The following MYRIP variants were observed in gnomAD, a reference collection of about 807,000 sequenced individuals.
MYRIP encodes rab effector MyRIP.
Under a neutral mutation model 98.0 loss-of-function variants are expected in MYRIP, and 49 were observed. The ratio of observed to expected loss-of-function variants is 0.50; its 90% CI spans 0.40 to 0.63. The LOEUF (loss-of-function observed/expected upper bound fraction) is 0.63. Ranked by LOEUF, MYRIP falls within the 30% of genes least tolerant of loss-of-function variation. The pLI is 0.00. For missense variants in MYRIP, 1,004 were observed against 1,058.2 expected, an observed-to-expected ratio of 0.95 and a Z score of 0.71; for synonymous variants, 404 against 409.5, an observed-to-expected ratio of 0.99 and a Z score of 0.16.
intron 2 of MYRIP, among the ~76,000 whole-genome samples, chr3:39,945,091 G>T (rs1368328070): frequency 6.6e-6 from 1 of 151,950 alleles, no homozygotes; most frequent in Non-Finnish European, 1.5e-5. Flanking sequence ...AGGAAAGACA[G>T]CCAAGGGAAA....
At chr3:39,813,712 G>A (rs1225308412) in intron 1 of MYRIP, among the ~76,000 whole-genome samples, 2 of 152,130 alleles carry the variant, frequency 1.3e-5, no homozygotes, top group Non-Finnish European at 1.5e-5. Flanking sequence ...TTTACATGTA[G>A]CCACTTAAGT....
intron 4 of MYRIP, among the ~76,000 whole-genome samples, chr3:40,160,937 A>C (rs967012677): frequency 6.6e-6 from 1 of 152,144 alleles, no homozygotes; most frequent in Non-Finnish European, 1.5e-5. Flanking sequence ...GGTACCTCAG[A>C]TGGAAATGTA....
intron 4 of MYRIP, among the ~76,000 whole-genome samples, chr3:40,159,122 A>G (rs1182132198): frequency 3.3e-5 from 5 of 151,922 alleles, no homozygotes; most frequent in Non-Finnish European, 7.4e-5. Flanking sequence ...TGATTTTGCA[A>G]TGGCTGGTAT....
At chr3:39,975,175 G>A (rs1043074831) in intron 2 of MYRIP, among the ~76,000 whole-genome samples, 2 of 152,294 alleles carry the variant, frequency 1.3e-5, no homozygotes, top group Non-Finnish European at 1.5e-5. Context: ...ATCTCCTTAA[G>A]CTGATAGGCA....
intron 2 of MYRIP, among the ~76,000 whole-genome samples, chr3:40,000,957 A>G (rs755213295): frequency 1.3e-5 from 2 of 152,220 alleles, no homozygotes; most frequent in Non-Finnish European, 2.9e-5. Context: ...CTGCATTTCA[A>G]TGATAACTCT....
At chr3:39,953,258 G>T (rs1332246551) in intron 2 of MYRIP, among the ~76,000 whole-genome samples, 1 of 152,154 alleles carries the variant, frequency 6.6e-6, no homozygotes, top group East Asian at 1.9e-4. Context: ...TTCCACTGAG[G>T]TTCAATAGTT....
rs140730482 is a variant in MYRIP, at chr3:40,256,728, A to G, written c.2548-1406A>G. Among the ~76,000 whole-genome samples, 51 of 152,334 alleles carry G rather than the reference A, an allele frequency of 3.3e-4. No individual in the cohort carries two copies. The East Asian group carries it at 9.6e-3, about 29-fold the overall frequency. ...TAAAAAGAAACTTAAAATTTATTAA[A>G]CCTTTCAAAAACATTCTGTGGCCAA... is the stretch of plus-strand genomic sequence containing the variant. On this transcript the variant is annotated intron_variant, in intron 16 of 16. Coordinates refer to ENST00000302541, the MANE Select transcript of MYRIP (RefSeq NM_015460.4).
chr3:40,060,137 T>C (rs762232931), intron 3 of MYRIP, among the ~76,000 whole-genome samples: 1 of 152,106 alleles, frequency 6.6e-6, no homozygotes, highest in Non-Finnish European at 1.5e-5. Context: ...ACATCAAAAA[T>C]TGAGTCTTTT....
At chr3:39,984,850 G>A (rs374108617) in intron 2 of MYRIP, among the ~76,000 whole-genome samples, 110 of 151,656 alleles carry the variant, frequency 7.3e-4, no homozygotes, top group African/African-American at 1.2e-3. Flanking sequence ...CCAACAGTGT[G>A]AAAGTGTTCC....
intron 1 of MYRIP, among the ~76,000 whole-genome samples, chr3:39,818,473 G>GT (rs896493090): frequency 2.0e-5 from 3 of 152,076 alleles, no homozygotes; most frequent in Admixed American, 1.3e-4. Context: ...CATGGAGGTT[G>GT]TTTTTTATTT....
intron 1 of MYRIP, among the ~76,000 whole-genome samples, chr3:39,875,430 G>A (rs1942958992): frequency 6.6e-6 from 1 of 151,410 alleles, no homozygotes; most frequent in African/African-American, 2.4e-5. Flanking sequence ...TAATTGTGAT[G>A]TTAGGGTGTC....
intron 3 of MYRIP, among the ~76,000 whole-genome samples, chr3:40,064,983 C>T (rs143688098): frequency 1.7e-3 from 257 of 152,264 alleles, no homozygotes; most frequent in African/African-American, 4.5e-3. Flanking sequence ...AACCTTAACC[C>T]TGCGTACTCA....
intron 3 of MYRIP, among the ~76,000 whole-genome samples, chr3:40,075,294 A>G (rs1489853547): frequency 1.3e-5 from 2 of 152,238 alleles, no homozygotes; most frequent in African/African-American, 2.4e-5. Flanking sequence ...AAATAAGTAC[A>G]GTAGTACTTA....
intron 10 of MYRIP, among the ~76,000 whole-genome samples, chr3:40,205,267 C>CTCTGTCCAT (rs1951760582): frequency 6.6e-6 from 1 of 152,114 alleles, no homozygotes; most frequent in Non-Finnish European, 1.5e-5. Context: ...TCTAGAAACC[C>CTCTGTCCAT]TCTGTCCATG....
intron 1 of MYRIP, among the ~76,000 whole-genome samples, chr3:39,834,494 C>T (rs900357362): frequency 1.3e-5 from 2 of 151,828 alleles, no homozygotes; most frequent in African/African-American, 2.4e-5. Flanking sequence ...TAGAAAATAC[C>T]TTAAAATAAA....
chr3:40,018,156 T>A (rs1194246472), intron 2 of MYRIP, among the ~76,000 whole-genome samples: 1 of 152,172 alleles, frequency 6.6e-6, no homozygotes, highest in African/African-American at 2.4e-5. Flanking sequence ...TATCTTGGTC[T>A]CTGTCTCAAC....
At chr3:40,052,354 C>G (rs1207222869) in intron 3 of MYRIP, among the ~76,000 whole-genome samples, 2 of 152,062 alleles carry the variant, frequency 1.3e-5, no homozygotes, top group African/African-American at 4.8e-5. Context: ...CATGTTGCTG[C>G]CGGTGACAGG....
At chr3:40,025,860 A>G (rs1188545364) in intron 2 of MYRIP, among the ~76,000 whole-genome samples, 2 of 152,180 alleles carry the variant, frequency 1.3e-5, no homozygotes, top group Non-Finnish European at 2.9e-5. Context: ...CATGCTTCTG[A>G]GGAAACAGAG....
At chr3:39,936,664 G>A (rs1194174702) in intron 2 of MYRIP, among the ~76,000 whole-genome samples, 1 of 152,158 alleles carries the variant, frequency 6.6e-6, no homozygotes. Context: ...TGCAAATACA[G>A]CATGCAGAAA....
Sources: allele counts gnomAD v4.1 joint callset (sites outside exome capture counted in the v4.1 genomes callset), GRCh38; gene constraint gnomAD v4.1.1; transcripts MANE v1.5; gene names NCBI Gene and HGNC (gene_info 2026-07-23, HGNC 2026-07-21).